Variants in KLHL1 observed in about 807,000 individuals in gnomAD.
KLHL1 encodes the protein kelch like family member 1.
A neutral mutation model predicts 77.7 loss-of-function variants in KLHL1; 47 were observed. That is an observed-to-expected ratio of 0.60 (90% confidence interval 0.48 to 0.77). KLHL1 has a LOEUF of 0.77. KLHL1 is among the 30% of genes least tolerant of loss of function. The pLI is 0.00. For missense variants in KLHL1, 925 were observed against 910.8 expected (o/e 1.02, Z -0.20); for synonymous variants, 360 against 325.2 (o/e 1.11, Z -1.15).
At chr13:69,919,302 C>A (rs1185344942) in intron 4 of KLHL1, among the ~76,000 whole-genome samples, 1 of 152,024 alleles carries the variant, frequency 6.6e-6, no homozygotes, top group African/African-American at 2.4e-5. Context: ...TTAAGGCTTA[C>A]TTTTATTATG....
At chr13:69,878,639 T>C (rs890772304) in intron 5 of KLHL1, among the ~76,000 whole-genome samples, 8 of 152,060 alleles carry the variant, frequency 5.3e-5, no homozygotes, top group African/African-American at 1.9e-4. Context: ...ACATTACGTG[T>C]GTGTATATAA....
intron 8 of KLHL1, among the ~76,000 whole-genome samples, chr13:69,730,932 T>A (rs1873517446): frequency 1.3e-5 from 2 of 152,150 alleles, no homozygotes; most frequent in African/African-American, 4.8e-5. Flanking sequence ...TGAATAGATA[T>A]ACCCACTGGA....
intron 4 of KLHL1, among the ~76,000 whole-genome samples, chr13:69,885,503 A>G (rs1363305022): frequency 6.6e-6 from 1 of 151,902 alleles, no homozygotes; most frequent in Non-Finnish European, 1.5e-5. Flanking sequence ...CCTCATTTTA[A>G]TGATACTTTG....
At chr13:69,715,447 C>T (rs1876074796) in intron 9 of KLHL1, among the ~76,000 whole-genome samples, 2 of 152,066 alleles carry the variant, frequency 1.3e-5, no homozygotes. Context: ...ATTGAGGCCT[C>T]ATCAGCCATG....
chr13:69,990,345 T>C (rs1884995060), intron 1 of KLHL1, among the ~76,000 whole-genome samples: 1 of 152,034 alleles, frequency 6.6e-6, no homozygotes, highest in South Asian at 2.1e-4. Flanking sequence ...GTAAATGGGA[T>C]AAATGTTCCA....
intron 4 of KLHL1, among the ~76,000 whole-genome samples, chr13:69,926,614 T>C (rs1882821364): frequency 6.6e-6 from 1 of 151,720 alleles, no homozygotes; most frequent in African/African-American, 2.4e-5. Flanking sequence ...CATATGAAAA[T>C]ATAGGGAACC....
At chr13:69,710,539 C>A (rs1875826423) in intron 9 of KLHL1, among the ~76,000 whole-genome samples, 1 of 152,026 alleles carries the variant, frequency 6.6e-6, no homozygotes, top group Non-Finnish European at 1.5e-5. Flanking sequence ...GAAGAGATCA[C>A]ACAGATTTAA....
intron 9 of KLHL1, among the ~76,000 whole-genome samples, chr13:69,718,404 T>C (rs1315131370): frequency 3.5e-5 from 4 of 114,788 alleles, no homozygotes; most frequent in Non-Finnish European, 7.7e-5. Flanking sequence ...CAATGATCAA[T>C]ATTCTAGGTT....
chr13:69,822,555 C>A (rs1414095289), intron 6 of KLHL1, among the ~76,000 whole-genome samples: 1 of 152,068 alleles, frequency 6.6e-6, no homozygotes, highest in South Asian at 2.1e-4. Flanking sequence ...TTTCTACCCA[C>A]GCATCAGAGT....
chr13:69,909,360 CAA>C (rs1212909564), intron 4 of KLHL1, among the ~76,000 whole-genome samples: 2 of 151,608 alleles, frequency 1.3e-5, no homozygotes, highest in Non-Finnish European at 2.9e-5. Context: ...AGAAATAACC[CAA>C]GTGCAAAATA....
At chr13:69,892,091 T>C (rs1310067277) in intron 4 of KLHL1, among the ~76,000 whole-genome samples, 1 of 152,144 alleles carries the variant, frequency 6.6e-6, no homozygotes, top group Non-Finnish European at 1.5e-5. Context: ...TGGTAGAGCC[T>C]AAACTTATCT....
intron 6 of KLHL1, among the ~76,000 whole-genome samples, chr13:69,833,329 T>G (rs1438904342): frequency 6.6e-6 from 1 of 151,760 alleles, no homozygotes; most frequent in East Asian, 1.9e-4. Flanking sequence ...AGAACATAAA[T>G]AAATAGCCAA....
intron 8 of KLHL1, among the ~76,000 whole-genome samples, chr13:69,735,169 G>T (rs559264070): frequency 6.6e-5 from 10 of 151,872 alleles, no homozygotes; most frequent in East Asian, 1.9e-4. Flanking sequence ...TTCATAAAAT[G>T]TATGCTAATT....
chr13:69,730,360 C>T (rs139348765), intron 8 of KLHL1, among the ~76,000 whole-genome samples: 2 of 151,784 alleles, frequency 1.3e-5, no homozygotes, highest in East Asian at 3.9e-4. Context: ...ACTTCTCACC[C>T]ATATTAGGCA....
intron 7 of KLHL1, among the ~76,000 whole-genome samples, chr13:69,795,544 AT>A (rs1213119659): frequency 1.3e-5 from 2 of 152,244 alleles, no homozygotes; most frequent in African/African-American, 4.8e-5. Context: ...CAAAGTGTAA[AT>A]TCAAGAACTG....
chr13:69,990,490 T>G (rs1170311497), intron 1 of KLHL1, among the ~76,000 whole-genome samples: 1 of 151,600 alleles, frequency 6.6e-6, no homozygotes, highest in Non-Finnish European at 1.5e-5. Flanking sequence ...ACCAAGCAAA[T>G]GGAAAACAGA....
chr13:70,093,687 T>C (rs1276331268), intron 1 of KLHL1, among the ~76,000 whole-genome samples: 2 of 152,166 alleles, frequency 1.3e-5, no homozygotes, highest in African/African-American at 4.8e-5. Flanking sequence ...TTGACATTTG[T>C]TTTGACAAAG....
intron 1 of KLHL1, among the ~76,000 whole-genome samples, chr13:70,094,523 TA>T (rs1887744033): frequency 6.6e-6 from 1 of 151,764 alleles, no homozygotes; most frequent in African/African-American, 2.4e-5. Flanking sequence ...TAGACTAAAA[TA>T]AAAAATTCCT....
intron 2 of KLHL1, among the ~76,000 whole-genome samples, chr13:69,967,752 G>T (rs535292091): frequency 6.6e-6 from 1 of 152,176 alleles, no homozygotes; most frequent in South Asian, 2.1e-4. Flanking sequence ...GGGCGTGGTG[G>T]CGCGTGCCTG....
Sources: allele counts gnomAD v4.1 joint callset (sites outside exome capture counted in the v4.1 genomes callset), GRCh38; gene constraint gnomAD v4.1.1; transcripts MANE v1.5; gene names NCBI Gene and HGNC (gene_info 2026-07-23, HGNC 2026-07-21).